The following EIF3L variants were observed in gnomAD, a reference collection of about 807,000 sequenced individuals.
EIF3L encodes eIEF associated protein HSPC021.
A neutral mutation model predicts 74.6 loss-of-function variants in EIF3L; 32 were observed. That is an observed-to-expected ratio of 0.43 (90% CI 0.32 to 0.58). EIF3L has a LOEUF of 0.58. Among genes scored for constraint, EIF3L ranks in the 20% least tolerant of loss-of-function variants. The probability of loss-of-function intolerance (pLI) is 0.06; values close to 1 mark genes in which losing one functional copy is unlikely to be tolerated. For synonymous variants in EIF3L, 256 were observed against 254.4 expected, an observed-to-expected ratio of 1.01 and a Z score of -0.06; for missense variants, 474 against 707.8, an observed-to-expected ratio of 0.67 and a Z score of 3.75.
intron 4 of EIF3L, among the ~76,000 whole-genome samples, chr22:37,858,303 C>T (rs963474378): frequency 7.9e-6 from 1 of 126,954 alleles, no homozygotes; most frequent in African/African-American, 3.1e-5. Flanking sequence ...TGGCTGACTG[C>T]AACCTGTGCC....
Position 37,874,541 on chromosome 22 carries a change from C to T in EIF3L, c.906+17C>T. ...AACAAGAAGGTGATGCCTATTGCCT[C>T]TGGCCCCTCTTGCCAGAGCCAGAAT... On this transcript the variant is annotated intron_variant, in intron 9 of 12. Transcript: ENST00000652021. 6.2e-7 allele frequency: 1 copy of T among 1,608,850 alleles called. No individual in the cohort carries two copies.
At chr22:37,862,608 G>T (rs1363378878) in intron 5 of EIF3L, among the ~76,000 whole-genome samples, 1 of 152,164 alleles carries the variant, frequency 6.6e-6, no homozygotes, top group Non-Finnish European at 1.5e-5. Flanking sequence ...GTGATGCCCG[G>T]TGCAGCATTA....
In EIF3L at chr22:37,874,374, C is replaced by T. The variant is rs772097357; in HGVS notation, c.756C>T (p.Asp252=). The change falls in exon 9 of 13, where the codon GAC becomes GAT. Residue 252 remains aspartate (D), a synonymous_variant. Transcript: ENST00000652021. The part of the protein sequence containing the change: ...RQLEVYTSGG[D]PESVAGEYGR... ...CACGGTGTCTGTCTCTTTCAGGTGA[C>T]CCTGAGAGTGTGGCTGGGGAGTATG... 6.2e-7 allele frequency: 1 copy of T among 1,613,832 alleles called. No homozygotes were observed. The highest frequency in any genetic ancestry group is 1.7e-5 in the Admixed American group (1 of 59,970).
chr22:37,856,811 T>G lies in EIF3L; in HGVS notation c.373+1167T>G, dbSNP rs1319496526. Reference sequence around the variant, plus strand: ...GTGAGCCGAGATCGCGCCATTGCACTCCAGCCTGGGCAACAAGAGCGAAAC... The same window carrying G: ...GTGAGCCGAGATCGCGCCATTGCACGCCAGCCTGGGCAACAAGAGCGAAAC... On this transcript the variant is annotated intron_variant, in intron 4 of 12. Coordinates refer to ENST00000652021, the MANE Select transcript of EIF3L (RefSeq NM_016091.4). Among the ~76,000 whole-genome samples, 9 of 148,250 alleles carry G rather than the reference T, an allele frequency of 6.1e-5. No homozygotes were observed. The Admixed American group carries it at 6.1e-4, about 10-fold the overall frequency.
intron 5 of EIF3L, among the ~76,000 whole-genome samples, 186 bp from the exon 6 acceptor site, chr22:37,862,783 G>A (rs1192404497): frequency 6.6e-6 from 1 of 152,184 alleles, no homozygotes; most frequent in Middle Eastern, 3.2e-3. Flanking sequence ...ACCACGTGTT[G>A]CAGTATTCAG....
intron 10 of EIF3L, chr22:37,876,278 C>A: frequency 2.3e-5 from 7 of 309,402 alleles, no homozygotes; most frequent in Non-Finnish European, 4.1e-5. Flanking sequence ...TAAAGGCGCA[C>A]ACAACAACAC....
At chr22:37,883,276 A>G (rs548838685) in intron 11 of EIF3L, 2 of 151,080 alleles carry the variant, frequency 1.3e-5, no homozygotes, top group East Asian at 3.9e-4. Context: ...AGCCTGGGCA[A>G]CAAGAGTGAA....
intron 3 of EIF3L, among the ~76,000 whole-genome samples, chr22:37,853,493 G>A (rs533130084): frequency 8.5e-5 from 13 of 152,316 alleles, no homozygotes; most frequent in South Asian, 6.2e-4. Context: ...ATTAGCTGGG[G>A]CATGGTGGCA....
intron 5 of EIF3L, among the ~76,000 whole-genome samples, chr22:37,858,987 A>G (rs917028225): frequency 3.3e-5 from 5 of 151,780 alleles, no homozygotes; most frequent in African/African-American, 1.2e-4. Context: ...GGACTGGGCA[A>G]TCACCCATGC....
chr22:37,850,938 A>T (rs1222877237), intron 2 of EIF3L, among the ~76,000 whole-genome samples: 1 of 152,222 alleles, frequency 6.6e-6, no homozygotes. Context: ...AGTACCTGTT[A>T]CCACTTACTT....
At chr22:37,858,766 T>A (rs560470503) in intron 5 of EIF3L, 26 bp downstream of exon 5, 1 of 1,586,276 alleles carries the variant, frequency 6.3e-7, no homozygotes, top group African/African-American at 1.4e-5. Flanking sequence ...TCGCAGTTTT[T>A]TTTTTGTTTT....
chr22:37,868,592 T>C (rs1026711803), intron 7 of EIF3L, among the ~76,000 whole-genome samples: 2 of 148,464 alleles, frequency 1.3e-5, no homozygotes, highest in Non-Finnish European at 3.0e-5. Flanking sequence ...TAGCTGGGAT[T>C]ACAGGCATGT....
At position 37,868,634 on chromosome 22, in the gene EIF3L, C is replaced by CTT. The variant is rs71195065; in HGVS notation, c.580-1518_580-1517dup. Among the ~76,000 whole-genome samples, 120 of 25,126 alleles carry CTT rather than the reference C, an allele frequency of 4.8e-3. 25 individuals carry two copies. The highest frequency in any genetic ancestry group is 0.011 in the African/African-American group (78 of 7,004). The allele number at this position is 25,126 out of a possible 152,430, so 16.5% of individuals were successfully genotyped here. On this transcript the variant is annotated intron_variant, in intron 7 of 12. Coordinates refer to ENST00000652021, the MANE Select transcript of EIF3L (RefSeq NM_016091.4). ...ACACCTGGCTATTTTTGTTTTGGTG[C>CTT]TTTTTTTTTTTTTTTTTTTTTTTTT...
At chr22:37,871,860 C>T (rs570378818) in intron 8 of EIF3L, among the ~76,000 whole-genome samples, 1 of 134,932 alleles carries the variant, frequency 7.4e-6, no homozygotes, top group Non-Finnish European at 1.5e-5. Flanking sequence ...CAGAGCGAGA[C>T]TCTGTCTCGG....
intron 11 of EIF3L, chr22:37,879,241 C>CT (rs1926918899): frequency 6.6e-6 from 1 of 152,522 alleles, no homozygotes; most frequent in Non-Finnish European, 1.5e-5. Context: ...TGGCTCATGC[C>CT]TGTAATCCCA....
chr22:37,862,162 T>C (rs1395388545), intron 5 of EIF3L, among the ~76,000 whole-genome samples: 1 of 152,210 alleles, frequency 6.6e-6, no homozygotes, highest in Admixed American at 6.5e-5. Flanking sequence ...TTGTGACTAG[T>C]CAACAATCTT....
intron 3 of EIF3L, among the ~76,000 whole-genome samples, chr22:37,855,326 A>T: frequency 6.6e-6 from 1 of 152,188 alleles, no homozygotes; most frequent in East Asian, 1.9e-4. Context: ...CAGAGGCAGG[A>T]GATTATCCTG....
chr22:37,860,475 C>A (rs896926299), intron 5 of EIF3L, among the ~76,000 whole-genome samples: 3 of 152,208 alleles, frequency 2.0e-5, no homozygotes, highest in South Asian at 4.1e-4. Context: ...CAGGCTCAAA[C>A]GATTCTCCTT....
Position 37,888,731 on chromosome 22 carries a change from T to C in EIF3L, c.*267T>C, listed in dbSNP as rs1927447432. 1 of 438,718 alleles carries C rather than the reference T, an allele frequency of 2.3e-6. No homozygotes were observed. The highest frequency in any genetic ancestry group is 4.0e-6 in the Non-Finnish European group (1 of 247,502). 27.2% of individuals were successfully genotyped at this position (438,718 alleles called of 1,614,324 possible). On this transcript the variant is annotated 3_prime_UTR_variant, in exon 13 of 13. Coordinates refer to ENST00000652021, the MANE Select transcript of EIF3L (RefSeq NM_016091.4). Reference sequence around the variant, plus strand: ...TCAGGATACATCAGTTGTTAGTGTTTAAATTGAGTTATTTTTATTTTGTGC... The same window carrying C: ...TCAGGATACATCAGTTGTTAGTGTTCAAATTGAGTTATTTTTATTTTGTGC...
Sources: gnomAD v4.1 joint callset for allele counts (sites outside exome capture counted in the v4.1 genomes callset) on GRCh38, gnomAD v4.1.1 for gene constraint, MANE v1.5 for transcripts, NCBI Gene and HGNC (gene_info 2026-07-23, HGNC 2026-07-21) for gene names.